TMEM117: variants seen among roughly 807,000 people sequenced by gnomAD.
The protein encoded by TMEM117 is transmembrane protein 117.
TMEM117 carries 27 observed loss-of-function variants against 52.4 expected under a neutral mutation model. The observed-to-expected ratio is 0.51, with a 90% CI of 0.38 to 0.71. TMEM117 has a LOEUF of 0.71. Ranked by LOEUF, TMEM117 falls within the 30% of genes least tolerant of loss-of-function variation. TMEM117 has a pLI of 0.00. For synonymous variants in TMEM117, 215 were observed against 206.3 expected (o/e 1.04, Z -0.36); for missense variants, 556 against 630.5 (o/e 0.88, Z 1.26).
chr12:44,237,143 C>A (rs947109239), intron 5 of TMEM117, among the ~76,000 whole-genome samples: 2 of 151,996 alleles, frequency 1.3e-5, no homozygotes, highest in African/African-American at 4.8e-5. Context: ...TTTAGTTTTT[C>A]AGCAAGGGGT....
chr12:44,121,782 G>A (rs959927149), intron 3 of TMEM117, among the ~76,000 whole-genome samples: 3 of 152,006 alleles, frequency 2.0e-5, no homozygotes, highest in African/African-American at 4.8e-5. Flanking sequence ...TGGCAGTTTG[G>A]TGTACAGGTT....
Position 44,389,531 on chromosome 12 carries a change from C to A in TMEM117, c.*859C>A, listed in dbSNP as rs143364626. On this transcript the variant is annotated 3_prime_UTR_variant, in exon 8 of 8. Transcript: ENST00000266534. ...TGAGAGCAGCACATCCCACCATTTACAATATTCGTATATCTTTCTGCAAAT... is the reference window on the plus strand; with the variant it reads ...TGAGAGCAGCACATCCCACCATTTAAAATATTCGTATATCTTTCTGCAAAT... 2 of 152,434 alleles carry A rather than the reference C, an allele frequency of 1.3e-5. No individual in the cohort carries two copies. The highest frequency in any genetic ancestry group is 2.9e-5 in the Non-Finnish European group (2 of 67,984). The allele number at this position is 152,434 out of a possible 1,614,324, so 9.4% of individuals were successfully genotyped here.
chr12:44,168,232 A>C (rs1167775033), intron 4 of TMEM117, among the ~76,000 whole-genome samples: 1 of 149,780 alleles, frequency 6.7e-6, no homozygotes, highest in African/African-American at 2.5e-5. Flanking sequence ...CAGCCTGAGC[A>C]ACAGAGTGAG....
At position 44,046,723 on chromosome 12, in the gene TMEM117, G is replaced by A. The variant is rs201457621; in HGVS notation, c.411-96802G>A. Reference sequence around the variant, plus strand: ...CATGAGTTTATTTCCTCCTTTTTTTGTTAAAAACGTGTTTGTGCATGTATA... The same window carrying A: ...CATGAGTTTATTTCCTCCTTTTTTTATTAAAAACGTGTTTGTGCATGTATA... On this transcript the variant is annotated intron_variant, in intron 3 of 7. Transcript: ENST00000266534. Among the ~76,000 whole-genome samples the A allele has an allele frequency of 2.0e-4, 30 of 152,114 alleles. No homozygotes were observed. The East Asian group carries it at 4.4e-3, about 23-fold the overall frequency.
intron 4 of TMEM117, among the ~76,000 whole-genome samples, chr12:44,209,636 C>T (rs967229713): frequency 6.6e-6 from 1 of 151,976 alleles, no homozygotes; most frequent in Non-Finnish European, 1.5e-5. Flanking sequence ...ATTGTAGGCC[C>T]TATGTTAGAT....
intron 5 of TMEM117, among the ~76,000 whole-genome samples, chr12:44,220,935 A>T (rs1390530936): frequency 6.6e-6 from 1 of 152,224 alleles, no homozygotes; most frequent in Admixed American, 6.5e-5. Context: ...AAGAAGAGAC[A>T]AATCTCCTGT....
chr12:44,153,518 C>A (rs568081540), intron 4 of TMEM117, among the ~76,000 whole-genome samples: 44 of 152,108 alleles, frequency 2.9e-4, no homozygotes, highest in African/African-American at 9.9e-4. Flanking sequence ...CTCAGCCAAA[C>A]TGTTGATTTT....
chr12:44,310,353 T>C (rs1392336695), intron 6 of TMEM117, among the ~76,000 whole-genome samples: 5 of 152,140 alleles, frequency 3.3e-5, no homozygotes, highest in Admixed American at 3.3e-4. Flanking sequence ...TAAGAATCAC[T>C]GGGGGCAGGG....
chr12:44,210,553 C>G (rs984955255), intron 4 of TMEM117, among the ~76,000 whole-genome samples: 1 of 152,004 alleles, frequency 6.6e-6, no homozygotes, highest in African/African-American at 2.4e-5. Context: ...AAGATCTTCA[C>G]TGGCAAGGAT....
intron 4 of TMEM117, among the ~76,000 whole-genome samples, chr12:44,191,828 T>C (rs1949358909): frequency 6.6e-6 from 1 of 152,138 alleles, no homozygotes; most frequent in Non-Finnish European, 1.5e-5. Flanking sequence ...TTAAATTGAA[T>C]TGAACTACTA....
chr12:44,100,070 TC>T (rs779723833), intron 3 of TMEM117, among the ~76,000 whole-genome samples: 1 of 151,968 alleles, frequency 6.6e-6, no homozygotes, highest in Non-Finnish European at 1.5e-5. Flanking sequence ...ATATCAGGAC[TC>T]CAAAAATAAT....
chr12:44,238,873 G>A (rs1456655582), intron 5 of TMEM117, among the ~76,000 whole-genome samples: 3 of 152,034 alleles, frequency 2.0e-5, no homozygotes, highest in Admixed American at 2.0e-4. Flanking sequence ...AATTGATCAT[G>A]GTATACCACA....
At chr12:43,882,597 A>T (rs1943917648) in intron 2 of TMEM117, among the ~76,000 whole-genome samples, 1 of 152,206 alleles carries the variant, frequency 6.6e-6, no homozygotes, top group Admixed American at 6.5e-5. Flanking sequence ...GTTGTCTCAC[A>T]TCAAAAATTT....
chr12:43,808,522 G>A, the TMEM117 span, among the ~76,000 whole-genome samples: 4 of 152,222 alleles, frequency 2.6e-5, no homozygotes, highest in African/African-American at 7.2e-5. Context: ...TTTGGTAGAG[G>A]TAATGTTTAG....
chr12:43,877,751 A>G (rs1943825234), intron 2 of TMEM117, among the ~76,000 whole-genome samples: 1 of 152,198 alleles, frequency 6.6e-6, no homozygotes, highest in Non-Finnish European at 1.5e-5. Flanking sequence ...TTTGAATAAA[A>G]TGTGGATCAT....
the TMEM117 span, among the ~76,000 whole-genome samples, chr12:43,822,581 A>T: frequency 6.6e-6 from 1 of 151,454 alleles, no homozygotes; most frequent in Non-Finnish European, 1.5e-5. Flanking sequence ...TTCTCATGAG[A>T]CACTTATTCC....
At chr12:44,022,341 G>C (rs1038769700) in intron 3 of TMEM117, among the ~76,000 whole-genome samples, 4 of 152,154 alleles carry the variant, frequency 2.6e-5, no homozygotes, top group African/African-American at 9.7e-5. Context: ...AATTAAAACA[G>C]TGTAATTAAG....
intron 3 of TMEM117, among the ~76,000 whole-genome samples, chr12:44,003,790 A>G (rs1446065378): frequency 6.6e-6 from 1 of 151,966 alleles, no homozygotes; most frequent in Non-Finnish European, 1.5e-5. Flanking sequence ...TCATTTTGCC[A>G]TTTCTTTCCT....
At chr12:43,941,080 A>T (rs1005462292) in intron 2 of TMEM117, among the ~76,000 whole-genome samples, 1 of 152,068 alleles carries the variant, frequency 6.6e-6, no homozygotes, top group Admixed American at 6.6e-5. Flanking sequence ...TGTATTTTCT[A>T]ATTTCTTTGA....
Sources: allele counts gnomAD v4.1 joint callset (sites outside exome capture counted in the v4.1 genomes callset), GRCh38; gene constraint gnomAD v4.1.1; transcripts MANE v1.5; gene names NCBI Gene and HGNC (gene_info 2026-07-23, HGNC 2026-07-21).